Variants in ENTPD4 observed in about 807,000 individuals in gnomAD.
The protein encoded by ENTPD4 is Golgi UDPase.
In ENTPD4, 60 loss-of-function variants were observed where a neutral mutation model predicts 79.1. The ratio of observed to expected loss-of-function variants is 0.76; its 90% CI spans 0.62 to 0.94. The LOEUF (loss-of-function observed/expected upper bound fraction) is 0.94. ENTPD4 is among the 40% of genes least tolerant of loss of function. The pLI is 0.00. For synonymous variants in ENTPD4, 276 were observed against 292.0 expected (o/e 0.95, Z 0.56); for missense variants, 772 against 775.1 (o/e 1.00, Z 0.05).
intron 2 of ENTPD4, among the ~76,000 whole-genome samples, chr8:23,449,616 A>G (rs1468886290): frequency 1.3e-5 from 2 of 152,228 alleles, no homozygotes; most frequent in African/African-American, 4.8e-5. Flanking sequence ...TATGTCAAGA[A>G]TGAGAGGCTC....
chr8:23,449,762 A>G, intron 2 of ENTPD4, 131 bp downstream of exon 2: 2 of 789,540 alleles, frequency 2.5e-6, no homozygotes, highest in South Asian at 1.4e-5. Context: ...GCCCTGGAAG[A>G]AAAAAGGTCT....
Position 23,432,560 on chromosome 8 carries a change from G to A in ENTPD4, c.*366C>T. 2 of 828,226 alleles carry A rather than the reference G, an allele frequency of 2.4e-6. No individual in the cohort carries two copies. Among genetic ancestry groups the A allele is most frequent in the Non-Finnish European group, 2.9e-6 (2 of 679,354 alleles). 51.3% of individuals were successfully genotyped at this position (828,226 alleles called of 1,614,324 possible). On this transcript the variant is annotated 3_prime_UTR_variant, in exon 13 of 13. Transcript: ENST00000358689. ...GTCGCCCAGGCTGGAGTGCAGTGGTGTGATCTCGGCTCACTGCAAGCTCTG... is the reference window on the plus strand; with the variant it reads ...GTCGCCCAGGCTGGAGTGCAGTGGTATGATCTCGGCTCACTGCAAGCTCTG...
chr8:23,432,794 G>C lies in ENTPD4; in HGVS notation c.*132C>G, dbSNP rs575808542. On this transcript the variant is annotated 3_prime_UTR_variant, in exon 13 of 13. Coordinates refer to ENST00000358689, the MANE Select transcript of ENTPD4 (RefSeq NM_004901.5). ...ATTACAGGCGTGAGCCACCGCGCTC[G>C]GCCTGCATTTTGTTTTTGTTTGGAG... The C allele has an allele frequency of 3.5e-6, 5 of 1,439,190 alleles. No homozygotes were observed. Among genetic ancestry groups the C allele is most frequent in the African/African-American group, 2.9e-5 (2 of 69,682 alleles). 89.2% of individuals were successfully genotyped at this position (1,439,190 alleles called of 1,614,324 possible).
intron 1 of ENTPD4, among the ~76,000 whole-genome samples, chr8:23,453,498 C>A (rs969838670): frequency 6.6e-6 from 1 of 152,080 alleles, no homozygotes; most frequent in East Asian, 1.9e-4. Flanking sequence ...AAGAGAAAGA[C>A]TGAACAGAAA....
Position 23,448,839 on chromosome 8 carries a change from T to C in ENTPD4, c.109A>G (p.Ile37Val). 6.2e-7 allele frequency: 1 copy of C among 1,614,160 alleles called. No homozygotes were observed. The highest frequency in any genetic ancestry group is 8.5e-7 in the Non-Finnish European group (1 of 1,179,974). The change falls in exon 3 of 13, where the codon ATT becomes GTT. Residue 37 changes from isoleucine (I) to valine (V), a missense_variant. Physicochemically the swap from Ile to Val is conservative, Grantham distance 29. Transcript: ENST00000358689. ...GAAACAGCAGCAGCCAGGACACTAA[T>C]GACCATAATTTGGCGTAAATTGGTA... is the stretch of plus-strand genomic sequence containing the variant. ...LNTNLRQIMV[I>V]SVLAAAVSLL...
At chr8:23,441,088 TGA>T (rs1437288779) in intron 8 of ENTPD4, among the ~76,000 whole-genome samples, 1 of 152,180 alleles carries the variant, frequency 6.6e-6, no homozygotes, top group African/African-American at 2.4e-5. Flanking sequence ...AGGCAGCAAC[TGA>T]GAGGGCACAG....
chr8:23,432,971 C>A lies in ENTPD4; in HGVS notation c.1806G>T (p.Trp602Cys), dbSNP rs755593892. 6.2e-7 allele frequency: 1 copy of A among 1,613,056 alleles called. No individual in the cohort carries two copies. The highest frequency in any genetic ancestry group is 8.5e-7 in the Non-Finnish European group (1 of 1,179,516). The part of the protein sequence containing the change: ...TPRSSSAAAL[W>C]MEEGLPAQNA... ...TCTGGGCGGGAAGGCCCTCCTCCAT[C>A]CAGAGGGCGGCGGCCGAGCTGCTCC... The change falls in exon 13 of 13, where the codon TGG becomes TGT. Residue 602 changes from tryptophan (W) to cysteine (C), a missense_variant. Transcript: ENST00000358689.
intron 9 of ENTPD4, among the ~76,000 whole-genome samples, chr8:23,438,638 G>C (rs909111575): frequency 1.3e-5 from 2 of 152,014 alleles, no homozygotes; most frequent in Non-Finnish European, 2.9e-5. Context: ...AAAAATTAAG[G>C]TTTCGGAAAA....
chr8:23,448,650 C>A, intron 3 of ENTPD4, 92 bp downstream of exon 3: 2 of 1,026,168 alleles, frequency 1.9e-6, no homozygotes, highest in Non-Finnish European at 1.5e-6. Flanking sequence ...TTATAAGCCA[C>A]CCAGTCTATG....
Position 23,434,310 on chromosome 8 carries a change from G to A in ENTPD4, c.1622+7C>T. 1 of 1,613,132 alleles carries A rather than the reference G, an allele frequency of 6.2e-7. No homozygotes were observed. Among genetic ancestry groups the A allele is most frequent in the Non-Finnish European group, 8.5e-7 (1 of 1,179,292 alleles). On this transcript the variant is annotated splice_region_variant and intron_variant, in intron 12 of 12. Coordinates refer to ENST00000358689, the MANE Select transcript of ENTPD4 (RefSeq NM_004901.5). Reference sequence around the variant, plus strand: ...TTTGATTCTCGTTCCCAAATTCACAGCCCTACCTTAATGGTAGAAAGCGGG... The same window carrying A: ...TTTGATTCTCGTTCCCAAATTCACAACCCTACCTTAATGGTAGAAAGCGGG...
intron 4 of ENTPD4, among the ~76,000 whole-genome samples, chr8:23,446,712 C>T (rs556860648): frequency 1.2e-3 from 183 of 152,146 alleles, no homozygotes; most frequent in African/African-American, 4.3e-3. Flanking sequence ...TGAATTATTC[C>T]GTAAAGAATG....
At chr8:23,449,672 G>C (rs1260722165) in intron 2 of ENTPD4, among the ~76,000 whole-genome samples, 1 of 152,010 alleles carries the variant, frequency 6.6e-6, no homozygotes, top group Admixed American at 6.6e-5. Flanking sequence ...ACTGCCTTTG[G>C]GATAAATTCT....
At chr8:23,439,529 G>C (rs758556535) in intron 9 of ENTPD4, among the ~76,000 whole-genome samples, 1 of 152,168 alleles carries the variant, frequency 6.6e-6, no homozygotes, top group African/African-American at 2.4e-5. Context: ...GTGAGAGAGC[G>C]CACGCACACA....
chr8:23,432,859 T>C lies in ENTPD4; in HGVS notation c.*67A>G. The C allele has an allele frequency of 6.8e-7, 1 of 1,471,902 alleles. No individual in the cohort carries two copies. The highest frequency in any genetic ancestry group is 9.0e-7 in the Non-Finnish European group (1 of 1,109,616). The allele number at this position is 1,471,902 out of a possible 1,614,324, so 91.2% of individuals were successfully genotyped here. On this transcript the variant is annotated 3_prime_UTR_variant, in exon 13 of 13. Transcript: ENST00000358689. ...AAGAAAAAACAAAACCACAGGAAAA[T>C]AAAGAGGAGAAACCCTGAGGCAAAA... is the stretch of plus-strand genomic sequence containing the variant.
chr8:23,434,803 A>C, intron 11 of ENTPD4: 1 of 690,970 alleles, frequency 1.4e-6, no homozygotes, highest in Non-Finnish European at 1.9e-6. Context: ...ACAGGTTCCA[A>C]CCTCTTTGTA....
At position 23,443,896 on chromosome 8, in the gene ENTPD4, A is replaced by G; in HGVS notation, c.621T>C (p.Phe207=). ...CTTCTGCATGAGAGTCAGAAAACAG[A>G]AAGTCAAAGTGCACGGGGATATCGG... ...LLTDIPVHFD[F]LFSDSHAEVI... is the part of the protein sequence containing the mutation. Residue 207 remains phenylalanine (F), a synonymous_variant, in exon 6 of 13, where the codon TTT becomes TTC. Coordinates refer to ENST00000358689, the MANE Select transcript of ENTPD4 (RefSeq NM_004901.5). 1.2e-6 allele frequency: 2 copies of G among 1,613,970 alleles called. No individual in the cohort carries two copies. The highest frequency in any genetic ancestry group is 1.7e-6 in the Non-Finnish European group (2 of 1,179,852).
chr8:23,435,506 C>T lies in ENTPD4; in HGVS notation c.1375-29G>A, dbSNP rs766929999. On this transcript the variant is annotated intron_variant, in intron 10 of 12. Transcript: ENST00000358689. Reference sequence around the variant, plus strand: ...AAAACAAATTCACCAAAATAGATCACTAGTAAAGGCTTATTAAAATTCTCA... The same window carrying T: ...AAAACAAATTCACCAAAATAGATCATTAGTAAAGGCTTATTAAAATTCTCA... 5.4e-6 allele frequency: 8 copies of T among 1,494,896 alleles called. No homozygotes were observed. The East Asian group carries it at 9.0e-5, about 17-fold the overall frequency. The allele number at this position is 1,494,896 out of a possible 1,614,324, so 92.6% of individuals were successfully genotyped here. A position where few individuals can be genotyped will look rare whatever the true frequency, so the allele number is the denominator to read the frequency against.
chr8:23,442,876 G>T (rs1230673836), intron 6 of ENTPD4, among the ~76,000 whole-genome samples: 1 of 151,896 alleles, frequency 6.6e-6, no homozygotes, highest in Non-Finnish European at 1.5e-5. Context: ...CTCATCTACA[G>T]AAAGAAGTCC....
At chr8:23,448,699 G>GCC in intron 3 of ENTPD4, 43 bp downstream of exon 3, 1 of 1,529,182 alleles carries the variant, frequency 6.5e-7, no homozygotes, top group Non-Finnish European at 9.0e-7. Flanking sequence ...TAAGACAGAA[G>GCC]GTAAGGCTTC....
Sources: gnomAD v4.1 joint callset for allele counts (sites outside exome capture counted in the v4.1 genomes callset) on GRCh38, gnomAD v4.1.1 for gene constraint, MANE v1.5 for transcripts, NCBI Gene and HGNC (gene_info 2026-07-23, HGNC 2026-07-21) for gene names.